Variants in TBC1D8 observed in about 807,000 individuals in gnomAD.
TBC1D8 encodes the protein BUB2-like protein 1.
TBC1D8 carries 65 observed loss-of-function variants against 118.8 expected under a neutral mutation model. That is an observed-to-expected ratio of 0.55 (90% CI 0.45 to 0.67). The LOEUF (loss-of-function observed/expected upper bound fraction) is 0.67, where lower values mean the gene tolerates loss of function less well. Ranked by LOEUF, TBC1D8 falls within the 30% of genes least tolerant of loss-of-function variation. The pLI, the probability that TBC1D8 is intolerant of heterozygous loss-of-function variation, is 0.00. For synonymous variants in TBC1D8, 566 were observed against 595.8 expected, an observed-to-expected ratio of 0.95 and a Z score of 0.73; for missense variants, 1,376 against 1,471.2, an observed-to-expected ratio of 0.94 and a Z score of 1.06.
At chr2:101,115,615 GTGGTCCA>G (rs1677784714) in intron 1 of TBC1D8, among the ~76,000 whole-genome samples, 1 of 152,170 alleles carries the variant, frequency 6.6e-6, no homozygotes, top group Admixed American at 6.5e-5. Flanking sequence ...GCTGGGGTTG[GTGGTCCA>G]TGCCTATAAT....
intron 2 of TBC1D8, among the ~76,000 whole-genome samples, chr2:101,069,219 G>A (rs958228074): frequency 5.9e-5 from 9 of 151,510 alleles, no homozygotes; most frequent in South Asian, 4.2e-4. Flanking sequence ...CTTGAATCCG[G>A]AAGGCGGAGC....
At chr2:101,086,943 C>A (rs1020435281) in intron 2 of TBC1D8, among the ~76,000 whole-genome samples, 14 of 152,130 alleles carry the variant, frequency 9.2e-5, no homozygotes, top group African/African-American at 3.4e-4. Context: ...ACAACCACCC[C>A]TGGCTAATTT....
At position 101,033,788 on chromosome 2, in the gene TBC1D8, G is replaced by A. The variant is rs767196325; in HGVS notation, c.1604-30C>T. On this transcript the variant is annotated intron_variant, in intron 9 of 19. Transcript: ENST00000409318. ...GTTTTAAAAGCAATGTTTCAAGGGGGAATGATTACTAGGATGGTGTCATGA... is the reference window on the plus strand; with the variant it reads ...GTTTTAAAAGCAATGTTTCAAGGGGAAATGATTACTAGGATGGTGTCATGA... 45 of 1,598,786 alleles carry A rather than the reference G, an allele frequency of 2.8e-5. No individual in the cohort carries two copies. The South Asian group carries it at 4.5e-4, about 16-fold the overall frequency.
At chr2:101,027,497 C>T (rs370990907) in intron 14 of TBC1D8, 46 bp from the exon 15 acceptor site, 5 of 1,581,694 alleles carry the variant, frequency 3.2e-6, no homozygotes, top group Non-Finnish European at 2.6e-6. Context: ...TAGGCCTGCA[C>T]CCCCAGGGGT....
rs780606100 is a variant in TBC1D8 at position 101,038,587 on chromosome 2, G to A, written c.1149C>T (p.Ser383=). The change falls in exon 7 of 20, where the codon AGC becomes AGT. Residue 383 remains serine (S), a synonymous_variant. Transcript: ENST00000409318. ...LPHPIIVSIR[S]KVAFQFIELR... ...GCTCAATGAACTGGAAGGCCACCTT[G>A]CTTCTGATACTGACAATGATGGGAT... The A allele has an allele frequency of 6.2e-7, 1 of 1,613,938 alleles. No individual in the cohort carries two copies. Among genetic ancestry groups the A allele is most frequent in the South Asian group, 1.1e-5 (1 of 91,084 alleles).
intron 1 of TBC1D8, among the ~76,000 whole-genome samples, chr2:101,101,710 T>A (rs906031810): frequency 6.6e-6 from 1 of 152,118 alleles, no homozygotes; most frequent in Non-Finnish European, 1.5e-5. Flanking sequence ...CAGAATACTA[T>A]GCAGCCATAA....
chr2:101,134,814 T>C (rs189809198), intron 1 of TBC1D8, among the ~76,000 whole-genome samples: 79 of 152,328 alleles, frequency 5.2e-4, no homozygotes, highest in East Asian at 7.7e-4. Flanking sequence ...ACTTAACTTT[T>C]GGTATTAATA....
intron 2 of TBC1D8, among the ~76,000 whole-genome samples, chr2:101,074,898 C>A (rs1387708157): frequency 2.6e-5 from 4 of 152,172 alleles, no homozygotes; most frequent in Admixed American, 2.0e-4. Context: ...AACCCAGTAA[C>A]AATGAGCACC....
rs1680550679 is a variant in TBC1D8, at chr2:101,029,573, G to C, written c.2140C>G (p.Leu714Val). The change falls in exon 12 of 20, where the codon CTG (leucine) becomes GTG (valine). Residue 714 changes from leucine to valine, a missense_variant. By Grantham distance (32) the Leu-to-Val change is conservative. Transcript: ENST00000409318. ...TTGGCCTCAAGCACAGCCAGTCCCAGCTGGAAGATGGCTTTGATGCCATCA... is the reference window on the plus strand; with the variant it reads ...TTGGCCTCAAGCACAGCCAGTCCCACCTGGAAGATGGCTTTGATGCCATCA... The part of the protein sequence containing the change: ...FYDGIKAIFQ[L>V]GLAVLEANAE... 6 of 1,613,978 alleles carry C rather than the reference G, an allele frequency of 3.7e-6. No homozygotes were observed. Among genetic ancestry groups the C allele is most frequent in the Middle Eastern group, 1.6e-4 (1 of 6,062 alleles).
At position 101,028,053 on chromosome 2, in the gene TBC1D8, T is replaced by A. The variant is rs1250938227; in HGVS notation, c.2446A>T (p.Asn816Tyr). 6.2e-7 allele frequency: 1 copy of A among 1,613,878 alleles called. No individual in the cohort carries two copies. Among genetic ancestry groups the A allele is most frequent in the East Asian group, 2.2e-5 (1 of 44,894 alleles). ...LQGHEDTTKQ[N>Y]VLRVVIPEVS... ...GTGAGGCGTCTGCTACCCACCACGT[T>A]CTGCTTTGTGGTGTCCTCGTGGCCT... The change falls in exon 14 of 20, where the codon AAC (asparagine) becomes TAC (tyrosine). Residue 816 changes from asparagine to tyrosine, a missense_variant. Asn to Tyr is a moderately radical substitution (Grantham distance 143). Coordinates refer to ENST00000409318, the MANE Select transcript of TBC1D8 (RefSeq NM_001330348.2).
intron 2 of TBC1D8, among the ~76,000 whole-genome samples, chr2:101,063,082 C>T (rs1682842445): frequency 1.3e-5 from 2 of 152,288 alleles, no homozygotes; most frequent in Admixed American, 6.5e-5. Context: ...TGCATCCTTT[C>T]GGACGACCTG....
intron 1 of TBC1D8, among the ~76,000 whole-genome samples, chr2:101,099,843 G>T (rs957578437): frequency 1.3e-5 from 2 of 152,078 alleles, no homozygotes; most frequent in Admixed American, 1.3e-4. Context: ...AATAAACTAG[G>T]TATTGATGGA....
chr2:101,018,465 C>CAGCAGATGTACTTGGTTATGT (rs1679819346), intron 17 of TBC1D8, among the ~76,000 whole-genome samples: 1 of 152,220 alleles, frequency 6.6e-6, no homozygotes, highest in African/African-American at 2.4e-5. Flanking sequence ...ATCCTTTAGA[C>CAGCAGATGTACTTGGTTATGT]AGCAGATGTA....
chr2:101,113,714 C>G (rs1044527225), intron 1 of TBC1D8, among the ~76,000 whole-genome samples: 1 of 152,122 alleles, frequency 6.6e-6, no homozygotes, highest in African/African-American at 2.4e-5. Flanking sequence ...AATAAGACAA[C>G]GCAAGAGTGC....
chr2:101,063,024 T>C (rs1682839294), intron 2 of TBC1D8, among the ~76,000 whole-genome samples: 1 of 152,198 alleles, frequency 6.6e-6, no homozygotes. Flanking sequence ...AGATACTTTG[T>C]GCTTCCACTT....
At chr2:101,020,261 GTAAAA>G (rs1679952476) in intron 17 of TBC1D8, among the ~76,000 whole-genome samples, 2 of 152,064 alleles carry the variant, frequency 1.3e-5, no homozygotes, top group African/African-American at 4.8e-5. Flanking sequence ...AAATAATAGA[GTAAAA>G]TAAAAACAAT....
intron 4 of TBC1D8, among the ~76,000 whole-genome samples, chr2:101,051,362 A>G (rs1384270577): frequency 1.3e-5 from 2 of 152,218 alleles, no homozygotes; most frequent in African/African-American, 4.8e-5. Context: ...GAGCTAATTT[A>G]CACCAGCAAT....
At chr2:101,099,734 C>G (rs190888640) in intron 1 of TBC1D8, among the ~76,000 whole-genome samples, 5 of 152,310 alleles carry the variant, frequency 3.3e-5, no homozygotes. Context: ...CATAATCTAT[C>G]ACATGAACAG....
intron 4 of TBC1D8, among the ~76,000 whole-genome samples, chr2:101,053,118 C>T (rs973368500): frequency 6.6e-6 from 1 of 152,166 alleles, no homozygotes; most frequent in Non-Finnish European, 1.5e-5. Context: ...ATATAGGGAT[C>T]AGGGAAGGCT....
Sources: allele counts gnomAD v4.1 joint callset (sites outside exome capture counted in the v4.1 genomes callset), GRCh38; gene constraint gnomAD v4.1.1; transcripts MANE v1.5; gene names NCBI Gene and HGNC (gene_info 2026-07-23, HGNC 2026-07-21).